PTPN9: variants seen among roughly 807,000 people sequenced by gnomAD.
PTPN9 encodes the protein protein tyrosine phosphatase non-receptor type 9.
Under a neutral mutation model 69.8 loss-of-function variants are expected in PTPN9, and 26 were observed. The observed-to-expected ratio is 0.37, with a 90% CI of 0.27 to 0.52. PTPN9 has a LOEUF of 0.52. Among genes scored for constraint, PTPN9 ranks in the 20% least tolerant of loss-of-function variants. The pLI, the probability that PTPN9 is intolerant of heterozygous loss-of-function variation, is 0.91. For synonymous variants in PTPN9, 274 were observed against 272.5 expected (o/e 1.01, Z -0.05); for missense variants, 549 against 740.3 (o/e 0.74, Z 3.00).
Position 75,470,726 on chromosome 15 carries a change from T to G in PTPN9, c.1313A>C (p.Asn438Thr). ...CGTTGTTTTCTTATAATGATTCATG[T>G]TCTCCACGCCTAGATTGGTCACTGT... ...FLTVTNLGVE[N>T]MNHYKKTTLE... Residue 438 changes from asparagine (N) to threonine (T), a missense_variant, in exon 11 of 13, where the codon AAC (asparagine) becomes ACC (threonine). Physicochemically the swap from Asn to Thr is moderately conservative, Grantham distance 65. This residue lies in a region of PTPN9 where 457 missense variants were observed against 661.9 expected (regional missense o/e 0.69). Coordinates refer to ENST00000618819, the MANE Select transcript of PTPN9 (RefSeq NM_002833.4). The G allele has an allele frequency of 6.2e-7, 1 of 1,614,264 alleles. No individual in the cohort carries two copies. Among genetic ancestry groups the G allele is most frequent in the South Asian group, 1.1e-5 (1 of 91,092 alleles).
rs371087693 is a variant in PTPN9 at position 75,505,935 on chromosome 15, A to T, written c.708T>A (p.Gly236=). The stretch of plus-strand genomic sequence containing the variant: ...TGGCGAGATCAATTTTGACGTACCC[A>T]CCCAGGTTTTCTGGAAGACACTCCC... ...LPRECLPENL[G]GYVKIDLATW... Residue 236 remains glycine, a synonymous_variant, in exon 7 of 13, where the codon GGT becomes GGA. Coordinates refer to ENST00000618819, the MANE Select transcript of PTPN9 (RefSeq NM_002833.4). 5 of 1,614,050 alleles carry T rather than the reference A, an allele frequency of 3.1e-6. No homozygotes were observed. The highest frequency in any genetic ancestry group is 1.6e-4 in the Middle Eastern group (1 of 6,062).
chr15:75,534,302 C>T (rs1239676222), intron 1 of PTPN9, among the ~76,000 whole-genome samples: 1 of 152,150 alleles, frequency 6.6e-6, no homozygotes, highest in Non-Finnish European at 1.5e-5. Flanking sequence ...AATCATATGA[C>T]CTCTGTTGCT....
chr15:75,482,564 CAAAAAAAAAAAA>C (rs145653223), intron 8 of PTPN9, among the ~76,000 whole-genome samples: 17 of 35,390 alleles, frequency 4.8e-4, no homozygotes, highest in African/African-American at 6.0e-4. Context: ...GACTCCGTCT[CAAAAAAAAAAAA>C]AAAAAAAAAA....
intron 10 of PTPN9, among the ~76,000 whole-genome samples, chr15:75,473,452 G>A (rs1231666696): frequency 2.6e-5 from 4 of 151,952 alleles, no homozygotes; most frequent in East Asian, 1.9e-4. Flanking sequence ...CACCATGCCC[G>A]GCTAATTTTT....
intron 3 of PTPN9, 76 bp from the exon 4 acceptor site, chr15:75,523,321 A>G: frequency 6.7e-7 from 1 of 1,493,504 alleles, no homozygotes; most frequent in Non-Finnish European, 9.1e-7. Flanking sequence ...TATATACTGG[A>G]TAAGGGTTTG....
rs554791035 is a variant in PTPN9 at position 75,520,548 on chromosome 15, G to A, written c.422+2573C>T. Among the ~76,000 whole-genome samples, 44 of 150,644 alleles carry A rather than the reference G, an allele frequency of 2.9e-4. 2 individuals are homozygous for A. In the South Asian group the frequency reaches 9.2e-3, roughly 32 times the overall value. Reference sequence around the variant, plus strand: ...CTTTTTTTTTTTTGAGACAGAGTTCGCTTTTGTTGCCCAGGCTGAAGTGCA... The same window carrying A: ...CTTTTTTTTTTTTGAGACAGAGTTCACTTTTGTTGCCCAGGCTGAAGTGCA... On this transcript the variant is annotated intron_variant, in intron 4 of 12. Transcript: ENST00000618819.
At chr15:75,473,447 T>G (rs1041745975) in intron 10 of PTPN9, among the ~76,000 whole-genome samples, 2 of 152,028 alleles carry the variant, frequency 1.3e-5, no homozygotes, top group Non-Finnish European at 2.9e-5. Flanking sequence ...GAAGGCACCA[T>G]GCCCGGCTAA....
At chr15:75,503,701 A>C (rs1484079740) in intron 7 of PTPN9, among the ~76,000 whole-genome samples, 1 of 60,966 alleles carries the variant, frequency 1.6e-5, no homozygotes, top group African/African-American at 5.5e-5. Context: ...CTGGCCAGCC[A>C]CCCCGTCCGG....
chr15:75,490,370 AC>A, intron 7 of PTPN9, 69 bp from the exon 8 acceptor site: 1 of 1,148,098 alleles, frequency 8.7e-7, no homozygotes, highest in Non-Finnish European at 1.3e-6. Context: ...ACAAAATCTG[AC>A]CATGCTAAAG....
chr15:75,508,470 T>A (rs528420459), intron 6 of PTPN9, among the ~76,000 whole-genome samples: 2 of 152,310 alleles, frequency 1.3e-5, no homozygotes, highest in East Asian at 3.9e-4. Context: ...CGAAAAACTT[T>A]CCTCCACAAC....
chr15:75,486,781 G>GTT lies in PTPN9; in HGVS notation c.1062+3425_1062+3426dup, dbSNP rs34430924. ...ATATGTGAAGTAATGCATATGTGGT[G>GTT]TTTTTTTTTTTTTTTTTTTTGAGAC... On this transcript the variant is annotated intron_variant, in intron 8 of 12. Transcript: ENST00000618819. Among the ~76,000 whole-genome samples the GTT allele has an allele frequency of 7.1e-3, 838 of 118,494 alleles. 21 individuals carry two copies. In the East Asian group the frequency reaches 0.092, roughly 13 times the overall value. 77.7% of individuals were successfully genotyped at this position (118,494 alleles called of 152,430 possible). A position where few individuals can be genotyped will look rare whatever the true frequency, so the allele number is the denominator to read the frequency against.
intron 8 of PTPN9, among the ~76,000 whole-genome samples, chr15:75,484,379 C>T (rs1477073018): frequency 1.3e-5 from 2 of 152,204 alleles, no homozygotes; most frequent in Admixed American, 6.5e-5. Context: ...ACATCTCATA[C>T]TTAGGACCAT....
intron 7 of PTPN9, 134 bp downstream of exon 7, chr15:75,505,541 A>G (rs2074814423): frequency 1.7e-6 from 1 of 596,650 alleles, no homozygotes; most frequent in African/African-American, 1.9e-5. Flanking sequence ...AGAAACCATC[A>G]TTTATGTGAG....
At chr15:75,559,889 C>T (rs567645563) in intron 1 of PTPN9, among the ~76,000 whole-genome samples, 2 of 152,072 alleles carry the variant, frequency 1.3e-5, no homozygotes, top group East Asian at 1.9e-4. Context: ...CTTGTAATCC[C>T]GGCACTTTGG....
intron 1 of PTPN9, among the ~76,000 whole-genome samples, chr15:75,557,438 C>CA (rs1387410888): frequency 2.0e-5 from 3 of 151,020 alleles, no homozygotes; most frequent in African/African-American, 2.4e-5. Context: ...AAAAAAAACA[C>CA]AAAAAAACAA....
chr15:75,493,897 C>G (rs1476204072), intron 7 of PTPN9, among the ~76,000 whole-genome samples: 1 of 152,114 alleles, frequency 6.6e-6, no homozygotes. Flanking sequence ...GGAACACAGT[C>G]AAGCCCATTT....
At chr15:75,574,216 T>C (rs187857404) in intron 1 of PTPN9, among the ~76,000 whole-genome samples, 1 of 151,152 alleles carries the variant, frequency 6.6e-6, no homozygotes, top group Admixed American at 6.6e-5. Flanking sequence ...ACCCAGGAGG[T>C]TGAGGCTGTA....
rs141871316 is a variant in PTPN9 at position 75,468,242 on chromosome 15, G to GCA, written c.*525_*526dup. Reference sequence around the variant, plus strand: ...TACATATGGACCCATACACATAAGTGCACACACACACACACACAGAATGAC... The same window carrying GCA: ...TACATATGGACCCATACACATAAGTGCACACACACACACACACACAGAATGAC... On this transcript the variant is annotated 3_prime_UTR_variant, in exon 13 of 13. Coordinates refer to ENST00000618819, the MANE Select transcript of PTPN9 (RefSeq NM_002833.4). 1,633 of 157,406 alleles carry GCA rather than the reference G, an allele frequency of 0.01. 26 individuals are homozygous for GCA. The highest frequency in any genetic ancestry group is 0.045 in the Admixed American group (746 of 16,644). The allele number at this position is 157,406 out of a possible 1,614,324, so 9.8% of individuals were successfully genotyped here.
At chr15:75,526,946 A>C (rs1490853544) in intron 2 of PTPN9, among the ~76,000 whole-genome samples, 172 bp downstream of exon 2, 4 of 152,206 alleles carry the variant, frequency 2.6e-5, no homozygotes, top group Non-Finnish European at 5.9e-5. Flanking sequence ...AGTGCCTTCC[A>C]GTAGCTGCCT....
Sources: allele counts gnomAD v4.1 joint callset (sites outside exome capture counted in the v4.1 genomes callset), GRCh38; gene constraint gnomAD v4.1.1; regional missense constraint gnomAD v4.1.1; transcripts MANE v1.5; gene names NCBI Gene and HGNC (gene_info 2026-07-23, HGNC 2026-07-21).